Variants in C20orf96 observed in about 807,000 individuals in gnomAD.
C20orf96 encodes the protein chromosome 20 open reading frame 96.
C20orf96 carries 57 observed loss-of-function variants against 52.6 expected under a neutral mutation model. The ratio of observed to expected loss-of-function variants is 1.08; its 90% CI spans 0.88 to 1.35. The LOEUF is 1.35. Among genes scored for constraint, C20orf96 ranks in the 40% most tolerant of loss-of-function variants. The pLI is 0.00. For missense variants in C20orf96, 478 were observed against 443.6 expected, an observed-to-expected ratio of 1.08 and a Z score of -0.70; for synonymous variants, 168 against 157.2, an observed-to-expected ratio of 1.07 and a Z score of -0.51.
In C20orf96 at chr20:279,287, C is replaced by G. The variant is rs151192874; in HGVS notation, c.350G>C (p.Ser117Thr). The stretch of plus-strand genomic sequence containing the variant: ...GAGCTTGCTGAGGAAGTTCTCACGG[C>G]TTCGGAGCTCTCGCAGAGCGGCCCT... Reference protein sequence around the residue: ...SGRAALRELRSRENFLSKLNR... With the variant: ...SGRAALRELRTRENFLSKLNR... The change falls in exon 5 of 11, where the codon AGC becomes ACC. Residue 117 changes from serine (S) to threonine (T), a missense_variant. Physicochemically the swap from Ser to Thr is moderately conservative, Grantham distance 58 (BLOSUM62 1). Transcript: ENST00000360321. 7,658 of 1,609,440 alleles carry G rather than the reference C, an allele frequency of 4.8e-3. 39 individuals are homozygous for G. Among genetic ancestry groups the G allele is most frequent in the Non-Finnish European group, 6.1e-3 (7,190 of 1,179,128 alleles).
intron 10 of C20orf96, among the ~76,000 whole-genome samples, chr20:273,695 G>A (rs531058714): frequency 3.7e-4 from 56 of 152,128 alleles, no homozygotes; most frequent in African/African-American, 1.3e-3. Context: ...GGCCAACATG[G>A]CAAAACCCCG....
chr20:278,547 G>T, intron 5 of C20orf96, 118 bp from the exon 6 acceptor site: 1 of 751,200 alleles, frequency 1.3e-6, no homozygotes, highest in East Asian at 2.5e-5. Context: ...CCTGACCAGA[G>T]GCTAATCGGG....
At position 290,563 on chromosome 20, in the gene C20orf96, A is replaced by AATT; in HGVS notation, c.20+27_20+28insAAT. 23 of 1,309,024 alleles carry AATT rather than the reference A, an allele frequency of 1.8e-5. No homozygotes were observed. In the African/African-American group the frequency reaches 1.8e-4, roughly 10 times the overall value. The allele number at this position is 1,309,024 out of a possible 1,614,324, so 81.1% of individuals were successfully genotyped here. On this transcript the variant is annotated intron_variant, in intron 1 of 10. Coordinates refer to ENST00000360321, the MANE Select transcript of C20orf96 (RefSeq NM_153269.3). ...GCATGCGTATTCCGCCTTTCTTCCA[A>AATT]TTTTTTTTTTTTTTTTTTTTTACCT...
chr20:287,115 C>A (rs1301972607), intron 3 of C20orf96, among the ~76,000 whole-genome samples: 1 of 152,184 alleles, frequency 6.6e-6, no homozygotes, highest in Non-Finnish European at 1.5e-5. Context: ...AACGAGGCTG[C>A]TATGAACATT....
At chr20:276,998 G>A in intron 8 of C20orf96, 46 bp downstream of exon 8, 1 of 1,595,824 alleles carries the variant, frequency 6.3e-7, no homozygotes, top group Middle Eastern at 1.7e-4. Context: ...GGCGGGGTGG[G>A]GGTGAGACCT....
intron 4 of C20orf96, among the ~76,000 whole-genome samples, chr20:282,115 G>A (rs1362776977): frequency 6.6e-6 from 1 of 152,158 alleles, no homozygotes; most frequent in African/African-American, 2.4e-5. Flanking sequence ...AGTATCTTGT[G>A]AAAAATGTTA....
intron 9 of C20orf96, 197 bp from the exon 10 acceptor site, chr20:276,283 G>C (rs2012021431): frequency 3.0e-6 from 3 of 985,308 alleles, no homozygotes; most frequent in South Asian, 4.7e-5. Flanking sequence ...AATATTCAGT[G>C]GTGCTGAAAC....
intron 10 of C20orf96, among the ~76,000 whole-genome samples, chr20:275,122 G>T (rs6112502): frequency 0.2 from 30,749 of 152,144 alleles, 4,025 homozygotes; most frequent in African/African-American, 0.38. Flanking sequence ...CAGCTCCTAA[G>T]AGTCACTTTT....
At chr20:284,127 A>G in intron 3 of C20orf96, 46 bp from the exon 4 acceptor site, 1 of 1,492,086 alleles carries the variant, frequency 6.7e-7, no homozygotes, top group Non-Finnish European at 9.3e-7. Flanking sequence ...GGGTCCCGGA[A>G]GGCCTGAGGC....
chr20:274,936 A>C (rs1173444719), intron 10 of C20orf96, among the ~76,000 whole-genome samples: 1 of 152,022 alleles, frequency 6.6e-6, no homozygotes, highest in Non-Finnish European at 1.5e-5. Flanking sequence ...TCTCTGCCTC[A>C]GCCTCCCGAG....
intron 5 of C20orf96, among the ~76,000 whole-genome samples, chr20:278,750 G>T (rs1186905000): frequency 6.7e-6 from 1 of 149,340 alleles, no homozygotes; most frequent in Non-Finnish European, 1.5e-5. Context: ...AGAGCTCGGG[G>T]AGGCAAAGTT....
chr20:289,202 C>G (rs1285767776), intron 3 of C20orf96, among the ~76,000 whole-genome samples: 4 of 150,908 alleles, frequency 2.7e-5, no homozygotes, highest in Admixed American at 6.6e-5. Flanking sequence ...CTGGACCCCC[C>G]CCAAAAAAAA....
In C20orf96 at chr20:290,563, A is replaced by ATTTTT. The variant is rs750461479; in HGVS notation, c.20+23_20+27dup. 4.6e-3 allele frequency: 5,976 copies of ATTTTT among 1,299,682 alleles called. 52 individuals are homozygous for ATTTTT. The highest frequency in any genetic ancestry group is 0.019 in the African/African-American group (933 of 49,294). The allele number at this position is 1,299,682 out of a possible 1,614,324, so 80.5% of individuals were successfully genotyped here. A position where few individuals can be genotyped will look rare whatever the true frequency, so the allele number is the denominator to read the frequency against. ...GCATGCGTATTCCGCCTTTCTTCCA[A>ATTTTT]TTTTTTTTTTTTTTTTTTTTTACCT... On this transcript the variant is annotated intron_variant, in intron 1 of 10. Coordinates refer to ENST00000360321, the MANE Select transcript of C20orf96 (RefSeq NM_153269.3).
rs1600193130 is a variant in C20orf96 at position 290,266 on chromosome 20, T to G, written c.62A>C (p.Gln21Pro). Residue 21 changes from glutamine to proline, a missense_variant, in exon 2 of 11, where the codon CAG becomes CCG. Coordinates refer to ENST00000360321, the MANE Select transcript of C20orf96 (RefSeq NM_153269.3). ...TAGTCCCCCAAGACTCACCGGAACC[T>G]GGAACTCCTGGACTATGGAGTGAGT... is the stretch of plus-strand genomic sequence containing the variant. ...SGTHSIVQEF[Q>P]VPDYVPWQQS... 6.2e-7 allele frequency: 1 copy of G among 1,611,974 alleles called. No individual in the cohort carries two copies. The highest frequency in any genetic ancestry group is 1.1e-5 in the South Asian group (1 of 90,532).
intron 2 of C20orf96, 145 bp downstream of exon 2, chr20:290,114 C>T: frequency 1.6e-6 from 1 of 635,354 alleles, no homozygotes. Context: ...TGCTCTGGGT[C>T]CCACAGCAAA....
intron 4 of C20orf96, among the ~76,000 whole-genome samples, chr20:283,198 T>C (rs2012295105): frequency 6.6e-6 from 1 of 152,216 alleles, no homozygotes; most frequent in African/African-American, 2.4e-5. Flanking sequence ...TAAAACAATG[T>C]ATAGCGAGGA....
rs774383007 is a variant in C20orf96, at chr20:290,648, C to T, written c.-38G>A. ...AAGAGAAGTTGCGAGTCTGTGAGAC[C>T]CTGATCTTCTGGTATAACTACTCGG... On this transcript the variant is annotated 5_prime_UTR_variant, in exon 1 of 11. Transcript: ENST00000360321. The T allele has an allele frequency of 6.2e-7, 1 of 1,609,308 alleles. No homozygotes were observed. Among genetic ancestry groups the T allele is most frequent in the Non-Finnish European group, 8.5e-7 (1 of 1,178,890 alleles).
Position 282,087 on chromosome 20 carries a change from C to G in C20orf96, c.306+1876G>C, listed in dbSNP as rs116573936. The stretch of plus-strand genomic sequence containing the variant: ...CTCCACTACCTTGTCTCCACATCTC[C>G]AGACCAAAATACCCAGAAGTATCTT... On this transcript the variant is annotated intron_variant, in intron 4 of 10. Coordinates refer to ENST00000360321, the MANE Select transcript of C20orf96 (RefSeq NM_153269.3). Among the ~76,000 whole-genome samples the G allele has an allele frequency of 6.9e-3, 1,050 of 152,306 alleles. 14 individuals carry two copies. Among genetic ancestry groups the G allele is most frequent in the African/African-American group, 0.024 (1,010 of 41,554 alleles).
At chr20:285,598 A>ACTC (rs2012362199) in intron 3 of C20orf96, among the ~76,000 whole-genome samples, 5 of 152,140 alleles carry the variant, frequency 3.3e-5, no homozygotes, top group African/African-American at 7.2e-5. Context: ...TGAAAGGTTT[A>ACTC]ATACACTCTT....
Sources: gnomAD v4.1 joint callset for allele counts (sites outside exome capture counted in the v4.1 genomes callset) on GRCh38, gnomAD v4.1.1 for gene constraint, MANE v1.5 for transcripts, NCBI Gene and HGNC (gene_info 2026-07-23, HGNC 2026-07-21) for gene names.